Variants in VWA3B observed in about 807,000 individuals in gnomAD.
The protein encoded by VWA3B is von Willebrand factor A domain containing 3B.
Under a neutral mutation model 158.3 loss-of-function variants are expected in VWA3B, and 138 were observed. That is an observed-to-expected ratio of 0.87 (90% confidence interval 0.76 to 1.00). The LOEUF (loss-of-function observed/expected upper bound fraction) is 1.00. Among genes scored for constraint, VWA3B ranks in the 50% least tolerant of loss-of-function variants. The pLI is 0.00. For missense variants in VWA3B, 1,555 were observed against 1,565.1 expected (o/e 0.99, Z 0.11); for synonymous variants, 596 against 587.3 (o/e 1.01, Z -0.21).
At chr2:98,184,054 A>C (rs1431218805) in intron 9 of VWA3B, among the ~76,000 whole-genome samples, 1 of 152,244 alleles carries the variant, frequency 6.6e-6, no homozygotes, top group East Asian at 1.9e-4. Flanking sequence ...GTGAGAGGTT[A>C]GGTAACTCGC....
chr2:98,164,570 G>T (rs370447621), intron 8 of VWA3B, among the ~76,000 whole-genome samples: 1 of 152,200 alleles, frequency 6.6e-6, no homozygotes, highest in East Asian at 1.9e-4. Context: ...ATTGGCCATG[G>T]TCACATAGCT....
intron 8 of VWA3B, among the ~76,000 whole-genome samples, chr2:98,175,543 A>G (rs1573987545): frequency 1.3e-5 from 2 of 152,366 alleles, no homozygotes; most frequent in East Asian, 3.9e-4. Context: ...AAAGGAATAA[A>G]GAATGAAAAA....
chr2:98,156,980 T>C (rs1678137192), intron 7 of VWA3B, among the ~76,000 whole-genome samples: 1 of 152,128 alleles, frequency 6.6e-6, no homozygotes, highest in Non-Finnish European at 1.5e-5. Context: ...ATGGTGATGG[T>C]TCATTTTTGG....
intron 13 of VWA3B, among the ~76,000 whole-genome samples, chr2:98,215,544 G>T (rs1459062128): frequency 6.6e-6 from 1 of 151,556 alleles, no homozygotes; most frequent in African/African-American, 2.4e-5. Flanking sequence ...TTGAGACAGA[G>T]TCTGGCTCTG....
intron 6 of VWA3B, among the ~76,000 whole-genome samples, chr2:98,132,932 A>T (rs1476361581): frequency 1.3e-5 from 2 of 152,104 alleles, no homozygotes. Context: ...CAACATTTCC[A>T]TCCTGAGCGG....
chr2:98,270,511 A>G (rs1240163224), intron 21 of VWA3B, among the ~76,000 whole-genome samples, 171 bp from the exon 22 acceptor site: 2 of 152,228 alleles, frequency 1.3e-5, no homozygotes, highest in Admixed American at 6.5e-5. Flanking sequence ...GTCCTGATAG[A>G]GCAGAGGGCA....
chr2:98,088,881 G>A (rs1287965097), intron 1 of VWA3B, among the ~76,000 whole-genome samples: 1 of 151,982 alleles, frequency 6.6e-6, no homozygotes, highest in Non-Finnish European at 1.5e-5. Flanking sequence ...AGCCTCCCTA[G>A]TAGCTGGGAT....
chr2:98,221,130 T>TA (rs571507143), intron 14 of VWA3B, among the ~76,000 whole-genome samples: 8,462 of 143,674 alleles, frequency 0.059, 272 homozygotes, highest in Middle Eastern at 0.088. Context: ...GAACTTAAAG[T>TA]AAAAAAAAAA....
intron 19 of VWA3B, among the ~76,000 whole-genome samples, chr2:98,239,383 A>T (rs796725407): frequency 2.0e-5 from 3 of 152,218 alleles, no homozygotes; most frequent in African/African-American, 7.2e-5. Flanking sequence ...ATCATGCTAA[A>T]TGAAAAAAAT....
chr2:98,306,376 C>A (rs1690526835), intron 26 of VWA3B, among the ~76,000 whole-genome samples: 1 of 152,148 alleles, frequency 6.6e-6, no homozygotes, highest in Non-Finnish European at 1.5e-5. Context: ...ATTTGAAGAA[C>A]AAATAAATAT....
chr2:98,178,160 C>A (rs142385398), intron 8 of VWA3B, among the ~76,000 whole-genome samples: 3 of 152,026 alleles, frequency 2.0e-5, no homozygotes, highest in African/African-American at 4.8e-5. Flanking sequence ...AGTGTGCAGG[C>A]GAACCCCAGG....
At position 98,165,863 on chromosome 2, in the gene VWA3B, A is replaced by C. The variant is rs540430787; in HGVS notation, c.1114+2887A>C. On this transcript the variant is annotated intron_variant, in intron 8 of 27. Coordinates refer to ENST00000477737, the MANE Select transcript of VWA3B (RefSeq NM_144992.5). The stretch of plus-strand genomic sequence containing the variant: ...TGGTCCCCTGTCATCCTGCAGATGA[A>C]CAAAATGAACACCAAGCAGGGGACC... 2.0e-5 allele frequency among the ~76,000 whole-genome samples: 3 copies of C among 152,228 alleles called. No individual in the cohort carries two copies. In the East Asian group the frequency reaches 5.8e-4, roughly 29 times the overall value.
At chr2:98,199,217 C>T (rs1050512593) in intron 12 of VWA3B, among the ~76,000 whole-genome samples, 4 of 151,984 alleles carry the variant, frequency 2.6e-5, no homozygotes, top group Non-Finnish European at 4.4e-5. Flanking sequence ...ATGAGTAGTG[C>T]TTTATTGATG....
At chr2:98,229,748 G>A (rs1488931831) in intron 15 of VWA3B, among the ~76,000 whole-genome samples, 1 of 152,156 alleles carries the variant, frequency 6.6e-6, no homozygotes, top group Admixed American at 6.5e-5. Context: ...TCCTGCAGTT[G>A]ATGGATGAGG....
At chr2:98,128,976 C>T (rs1194971050) in intron 6 of VWA3B, among the ~76,000 whole-genome samples, 2 of 152,264 alleles carry the variant, frequency 1.3e-5, no homozygotes, top group Admixed American at 1.3e-4. Context: ...CTGCGTGGCA[C>T]GCTGTGCCCC....
At chr2:98,305,088 G>C (rs969810099) in intron 26 of VWA3B, among the ~76,000 whole-genome samples, 4 of 152,082 alleles carry the variant, frequency 2.6e-5, no homozygotes, top group Non-Finnish European at 5.9e-5. Flanking sequence ...CTCCAGAGTC[G>C]CTTTGGACGC....
intron 12 of VWA3B, chr2:98,207,597 G>A: frequency 4.0e-6 from 2 of 503,806 alleles, no homozygotes; most frequent in Admixed American, 4.2e-5. Context: ...CAGTACTCCT[G>A]AAGGAGACCA....
chr2:98,327,152 G>T, the VWA3B span, among the ~76,000 whole-genome samples: 1 of 151,936 alleles, frequency 6.6e-6, no homozygotes, highest in Non-Finnish European at 1.5e-5. Flanking sequence ...AACTAGCCAG[G>T]CATGGTGGCA....
At position 98,125,911 on chromosome 2, in the gene VWA3B, G is replaced by A. The variant is rs1332988578; in HGVS notation, c.703-2328G>A. Among the ~76,000 whole-genome samples the A allele has an allele frequency of 5.3e-5, 8 of 152,126 alleles. No individual in the cohort carries two copies. Among genetic ancestry groups the A allele is most frequent in the Non-Finnish European group, 1.2e-4 (8 of 68,018 alleles). On this transcript the variant is annotated intron_variant, in intron 5 of 27. Transcript: ENST00000477737. The surrounding 1 kb of genome is among the most constrained non-coding windows in gnomAD (Gnocchi z 4.1). ...GATCTCCCGACCTCGTGATCTGCTC[G>A]CCTCAGCCTCCCAAAGTGCTGGGAT...
Sources: allele counts gnomAD v4.1 joint callset (sites outside exome capture counted in the v4.1 genomes callset), GRCh38; gene constraint gnomAD v4.1.1; non-coding constraint Gnocchi (gnomAD v3.1); transcripts MANE v1.5; gene names NCBI Gene and HGNC (gene_info 2026-07-23, HGNC 2026-07-21).